Variants in IFT25 observed in about 807,000 individuals in gnomAD.
The protein encoded by IFT25 is intraflagellar transport protein 25 homolog.
chr1:53,940,984 G>A, the IFT25 span, among the ~76,000 whole-genome samples: 2 of 151,790 alleles, frequency 1.3e-5, no homozygotes, highest in East Asian at 1.9e-4. Context: ...ATGGGGTCTT[G>A]CTATGCTGCA....
chr1:53,935,356 G>A, the IFT25 span, among the ~76,000 whole-genome samples: 2 of 152,200 alleles, frequency 1.3e-5, no homozygotes, highest in Non-Finnish European at 1.5e-5. Context: ...TGTCTCAATA[G>A]ATAAAATCTA....
the IFT25 span, among the ~76,000 whole-genome samples, chr1:53,933,500 CCTT>C: frequency 6.6e-6 from 1 of 152,174 alleles, no homozygotes; most frequent in Non-Finnish European, 1.5e-5. Flanking sequence ...TGGTAATACT[CCTT>C]GTCTTATATT....
chr1:53,938,707 T>A, the IFT25 span, among the ~76,000 whole-genome samples: 2 of 152,194 alleles, frequency 1.3e-5, no homozygotes, highest in African/African-American at 4.8e-5. Flanking sequence ...TAGATGATTC[T>A]ATGAGTCAAA....
the IFT25 span, among the ~76,000 whole-genome samples, chr1:53,924,154 C>A: frequency 6.6e-6 from 1 of 151,916 alleles, no homozygotes; most frequent in Non-Finnish European, 1.5e-5. Context: ...TATAAAATAT[C>A]CTAGTGAGTA....
the IFT25 span, among the ~76,000 whole-genome samples, chr1:53,917,985 G>T: frequency 1.3e-5 from 2 of 152,086 alleles, no homozygotes; most frequent in African/African-American, 4.8e-5. Context: ...CTGACTTTTT[G>T]AAGAAACCAG....
chr1:53,939,567 G>C, the IFT25 span: 1 of 166,124 alleles, frequency 6.0e-6, no homozygotes, highest in Admixed American at 6.5e-5. Flanking sequence ...CGATAGCAAG[G>C]AATGAAGCAT....
chr1:53,935,918 A>G, the IFT25 span, among the ~76,000 whole-genome samples: 1 of 152,116 alleles, frequency 6.6e-6, no homozygotes, highest in South Asian at 2.1e-4. Context: ...GGATGCTTTC[A>G]ATGAACATAA....
the IFT25 span, among the ~76,000 whole-genome samples, chr1:53,915,889 T>G: frequency 3.3e-5 from 5 of 151,854 alleles, no homozygotes; most frequent in Admixed American, 6.6e-5. Flanking sequence ...AAATGAGAGT[T>G]TAAAAAGGTG....
At chr1:53,944,211 G>C in the IFT25 span, among the ~76,000 whole-genome samples, 1 of 152,162 alleles carries the variant, frequency 6.6e-6, no homozygotes. Context: ...CAACCTTAGA[G>C]AAATCCATAC....
the IFT25 span, chr1:53,940,025 A>T: frequency 1.9e-6 from 3 of 1,611,754 alleles, no homozygotes; most frequent in Non-Finnish European, 2.5e-6. Context: ...TCATCACTTG[A>T]TGTAGCTAAA....
the IFT25 span, among the ~76,000 whole-genome samples, chr1:53,924,576 C>T: frequency 6.6e-6 from 1 of 152,284 alleles, no homozygotes; most frequent in East Asian, 1.9e-4. Context: ...GTGGCTCACG[C>T]CTGTAATCCC....
the IFT25 span, chr1:53,929,751 CT>C: frequency 1.1e-5 from 3 of 274,894 alleles, no homozygotes; most frequent in Non-Finnish European, 1.9e-5. Flanking sequence ...TTGCCAAAGA[CT>C]TTTACATAGT....
At chr1:53,924,633 A>C in the IFT25 span, among the ~76,000 whole-genome samples, 7 of 152,092 alleles carry the variant, frequency 4.6e-5, no homozygotes, top group Admixed American at 3.3e-4. Flanking sequence ...TCAGGAGATC[A>C]AGACCATCCT....
At chr1:53,920,393 C>CT in the IFT25 span, among the ~76,000 whole-genome samples, 4,297 of 136,006 alleles carry the variant, frequency 0.032, 166 homozygotes, top group East Asian at 0.1. Context: ...TCAAATTGCC[C>CT]TTTTTTTTTT....
the IFT25 span, among the ~76,000 whole-genome samples, chr1:53,916,228 A>G: frequency 6.6e-6 from 1 of 152,172 alleles, no homozygotes; most frequent in Non-Finnish European, 1.5e-5. Flanking sequence ...AGTGAAATAC[A>G]AAACAAAGCA....
chr1:53,928,455 AAAGT>A, the IFT25 span: 7 of 1,569,316 alleles, frequency 4.5e-6, no homozygotes, highest in African/African-American at 5.4e-5. Flanking sequence ...CATTGTAAAC[AAAGT>A]AAGTAAAGTG....
At chr1:53,931,947 A>AT in the IFT25 span, among the ~76,000 whole-genome samples, 1 of 151,736 alleles carries the variant, frequency 6.6e-6, no homozygotes, top group Non-Finnish European at 1.5e-5. Context: ...TTGGTTTTAC[A>AT]TTTTTTTCCT....
the IFT25 span, among the ~76,000 whole-genome samples, chr1:53,919,999 A>G: frequency 1.3e-5 from 2 of 152,028 alleles, no homozygotes; most frequent in Non-Finnish European, 2.9e-5. Context: ...GGGTCTAGCT[A>G]TGTTGCTCAG....
chr1:53,941,848 C>T, the IFT25 span, among the ~76,000 whole-genome samples: 41,947 of 152,100 alleles, frequency 0.28, 10,226 homozygotes, highest in African/African-American at 0.67. Context: ...TCCTACCCAT[C>T]TGGAACATGT....
Sources: gnomAD v4.1 joint callset for allele counts (sites outside exome capture counted in the v4.1 genomes callset) on GRCh38, gnomAD v4.1.1 for gene constraint, MANE v1.5 for transcripts, NCBI Gene and HGNC (gene_info 2026-07-23, HGNC 2026-07-21) for gene names.